Variants in TNPO1 observed in about 807,000 individuals in gnomAD.
TNPO1 encodes transportin 1, also known as transportin-1.
In TNPO1, 8 loss-of-function variants were observed where a neutral mutation model predicts 119.5. That is an observed-to-expected ratio of 0.07 (90% CI 0.04 to 0.12). TNPO1 has a LOEUF of 0.12. Ranked by LOEUF, TNPO1 falls within the 10% of genes least tolerant of loss-of-function variation. TNPO1 has a pLI of 1.00. For missense variants in TNPO1, 576 were observed against 1,089.8 expected (o/e 0.53, Z 6.64); for synonymous variants, 362 against 363.0 (o/e 1.00, Z 0.03).
At chr5:72,847,596 T>A (rs1745189954) in intron 1 of TNPO1, among the ~76,000 whole-genome samples, 2 of 152,254 alleles carry the variant, frequency 1.3e-5, no homozygotes, top group Admixed American at 1.3e-4. Context: ...TAAAATTACA[T>A]CATTTTTATT....
chr5:72,865,449 A>G (rs1450844757), intron 5 of TNPO1, 147 bp from the exon 6 acceptor site: 3 of 940,516 alleles, frequency 3.2e-6, no homozygotes, highest in Non-Finnish European at 4.6e-6. Context: ...AAAAAAAAAA[A>G]ATTGAAGGAT....
At chr5:72,870,197 G>A (rs1405910324) in intron 6 of TNPO1, among the ~76,000 whole-genome samples, 1 of 84,626 alleles carries the variant, frequency 1.2e-5, no homozygotes, top group African/African-American at 4.7e-5. Flanking sequence ...TTTCACTCTT[G>A]TCTCCCACAC....
intron 19 of TNPO1, among the ~76,000 whole-genome samples, 162 bp downstream of exon 19, chr5:72,896,718 A>G (rs1327975367): frequency 6.6e-6 from 1 of 152,138 alleles, no homozygotes; most frequent in East Asian, 1.9e-4. Flanking sequence ...AAAAATACAA[A>G]AATTAGCTGG....
intron 1 of TNPO1, among the ~76,000 whole-genome samples, chr5:72,829,073 T>C (rs1196089369): frequency 1.3e-5 from 2 of 152,212 alleles, no homozygotes; most frequent in South Asian, 2.1e-4. Context: ...CAGTATTATA[T>C]GGACATGGTT....
chr5:72,908,862 G>A lies in TNPO1; in HGVS notation c.*189G>A, dbSNP rs1425071219. On this transcript the variant is annotated 3_prime_UTR_variant, in exon 25 of 25. Transcript: ENST00000337273. ...GGTGTTGCCGTCACTGTATTAAGTC[G>A]ATGTTGGGAAACGTTTTAACATCTG... 4 of 453,344 alleles carry A rather than the reference G, an allele frequency of 8.8e-6. No homozygotes were observed. Among genetic ancestry groups the A allele is most frequent in the African/African-American group, 4.0e-5 (2 of 49,766 alleles). 28.1% of individuals were successfully genotyped at this position (453,344 alleles called of 1,614,324 possible).
chr5:72,854,340 G>C (rs2112274154), intron 3 of TNPO1, among the ~76,000 whole-genome samples: 1 of 152,306 alleles, frequency 6.6e-6, no homozygotes, highest in African/African-American at 2.4e-5. Context: ...AATGAAGTTT[G>C]TGTGCAGAGA....
intron 4 of TNPO1, among the ~76,000 whole-genome samples, chr5:72,859,465 A>G (rs987157361): frequency 6.6e-6 from 1 of 152,216 alleles, no homozygotes; most frequent in Non-Finnish European, 1.5e-5. Context: ...CTAATAATAT[A>G]TACAATATTT....
At chr5:72,845,395 T>G (rs1458143674) in intron 1 of TNPO1, among the ~76,000 whole-genome samples, 1 of 152,224 alleles carries the variant, frequency 6.6e-6, no homozygotes, top group Non-Finnish European at 1.5e-5. Flanking sequence ...TCAGATGTTA[T>G]CTAATTAACC....
intron 1 of TNPO1, 98 bp from the exon 2 acceptor site, chr5:72,848,287 G>T: frequency 7.4e-7 from 1 of 1,344,200 alleles, no homozygotes; most frequent in South Asian, 1.8e-5. Flanking sequence ...GGTTGTGGTG[G>T]CGGGGAGAAC....
chr5:72,891,041 G>A (rs1460342462), intron 14 of TNPO1, among the ~76,000 whole-genome samples: 2 of 151,972 alleles, frequency 1.3e-5, no homozygotes, highest in Non-Finnish European at 2.9e-5. Context: ...AGATAGTTTT[G>A]CCATGTTGCC....
intron 22 of TNPO1, among the ~76,000 whole-genome samples, chr5:72,901,598 C>T (rs963346164): frequency 6.6e-6 from 1 of 152,100 alleles, no homozygotes; most frequent in Non-Finnish European, 1.5e-5. Context: ...TTTAATTATT[C>T]GGCAGTAGTA....
intron 9 of TNPO1, among the ~76,000 whole-genome samples, chr5:72,881,817 T>C (rs1748266681): frequency 1.3e-5 from 2 of 152,186 alleles, no homozygotes; most frequent in African/African-American, 4.8e-5. Context: ...ATTTTTCTTA[T>C]ACCCAGAGAC....
chr5:72,848,823 G>T (rs1175166206), intron 2 of TNPO1, among the ~76,000 whole-genome samples: 1 of 149,780 alleles, frequency 6.7e-6, no homozygotes, highest in Non-Finnish European at 1.5e-5. Flanking sequence ...CCACGTCCCC[G>T]CCCGCCGCTG....
chr5:72,837,186 A>C (rs985908661), intron 1 of TNPO1, among the ~76,000 whole-genome samples: 4 of 152,190 alleles, frequency 2.6e-5, no homozygotes, highest in Non-Finnish European at 4.4e-5. Context: ...GCTATAACAA[A>C]ATATTTTAGA....
At chr5:72,860,876 CA>C (rs1298364545) in intron 4 of TNPO1, among the ~76,000 whole-genome samples, 1 of 151,792 alleles carries the variant, frequency 6.6e-6, no homozygotes, top group Non-Finnish European at 1.5e-5. Context: ...AACGTTTTGG[CA>C]TATTTTCTTT....
At chr5:72,848,772 G>GGCC (rs959813328) in intron 2 of TNPO1, among the ~76,000 whole-genome samples, 1 of 147,818 alleles carries the variant, frequency 6.8e-6, no homozygotes, top group Non-Finnish European at 1.5e-5. Flanking sequence ...GGGGGCCCCC[G>GGCC]GCCGCCGCCC....
intron 1 of TNPO1, among the ~76,000 whole-genome samples, chr5:72,835,595 C>T (rs1225932141): frequency 6.6e-6 from 1 of 152,176 alleles, no homozygotes; most frequent in Admixed American, 6.5e-5. Context: ...ACAGAACTCT[C>T]ATGACGTAAT....
At chr5:72,874,966 T>G (rs1747656221) in intron 7 of TNPO1, among the ~76,000 whole-genome samples, 1 of 152,084 alleles carries the variant, frequency 6.6e-6, no homozygotes, top group African/African-American at 2.4e-5. Flanking sequence ...GTGTGTGAAC[T>G]CTGATTCCAT....
intron 1 of TNPO1, among the ~76,000 whole-genome samples, chr5:72,843,062 C>T (rs1436644074): frequency 6.6e-6 from 1 of 152,186 alleles, no homozygotes; most frequent in Non-Finnish European, 1.5e-5. Flanking sequence ...CAGTGCTGCT[C>T]TCTGGAGGTG....
Sources: allele counts gnomAD v4.1 joint callset (sites outside exome capture counted in the v4.1 genomes callset), GRCh38; gene constraint gnomAD v4.1.1; transcripts MANE v1.5; gene names NCBI Gene and HGNC (gene_info 2026-07-23, HGNC 2026-07-21).